PDE10A: variants seen among roughly 807,000 people sequenced by gnomAD.
PDE10A encodes phosphodiesterase 10A.
In PDE10A, 39 loss-of-function variants were observed where a neutral mutation model predicts 97.7. That is an observed-to-expected ratio of 0.40 (90% CI 0.31 to 0.52). PDE10A has a LOEUF of 0.52. Among genes scored for constraint, PDE10A ranks in the 20% least tolerant of loss-of-function variants. The pLI is 0.56. For missense variants in PDE10A, 731 were observed against 1,047.8 expected (o/e 0.70, Z 4.17); for synonymous variants, 371 against 376.8 (o/e 0.98, Z 0.18).
intron 1 of PDE10A, among the ~76,000 whole-genome samples, chr6:165,902,748 G>A (rs111353259): frequency 1.3e-5 from 2 of 152,244 alleles, no homozygotes; most frequent in African/African-American, 4.8e-5. Flanking sequence ...TATCAGCATT[G>A]TTTCTGGGCC....
intron 1 of PDE10A, among the ~76,000 whole-genome samples, chr6:165,759,477 G>A (rs950638821): frequency 1.2e-4 from 18 of 152,118 alleles, no homozygotes; most frequent in African/African-American, 4.3e-4. Context: ...GATTTGCTTT[G>A]CTTTTCTCTG....
chr6:165,617,366 T>G (rs560227121), intron 1 of PDE10A, among the ~76,000 whole-genome samples: 51 of 152,162 alleles, frequency 3.4e-4, no homozygotes, highest in African/African-American at 1.1e-3. Context: ...AAAAATTGAG[T>G]TGGAGTCTCA....
At chr6:165,430,453 C>A (rs1789470242) in intron 8 of PDE10A, 108 bp from the exon 9 acceptor site, 1 of 641,078 alleles carries the variant, frequency 1.6e-6, no homozygotes, top group Admixed American at 2.9e-5. Flanking sequence ...CTAACACAAT[C>A]ACTTGGGTTA....
rs1300944497 is a variant in PDE10A at position 165,662,386 on chromosome 6, G to A, written c.426C>T (p.Leu142=). 1.3e-5 allele frequency: 2 copies of A among 157,298 alleles called. No individual in the cohort carries two copies. The highest frequency in any genetic ancestry group is 2.7e-5 in the Non-Finnish European group (2 of 73,780). The allele number at this position is 157,298 out of a possible 1,614,324, so 9.7% of individuals were successfully genotyped here. Residue 142 remains leucine, a synonymous_variant, in exon 1 of 22, where the codon CTC becomes CTT. Transcript: ENST00000539869. ...CCGCCGCTGCGCCCTCCCTTCCTGG[G>A]AGACGCACGGGGAGGTGAAAGGCAG... The part of the protein sequence containing the change: ...SSSAFHLPVR[L]PGREGAAAAA...
At chr6:165,538,625 G>A (rs1041641597) in intron 2 of PDE10A, among the ~76,000 whole-genome samples, 6 of 151,996 alleles carry the variant, frequency 3.9e-5, no homozygotes, top group East Asian at 1.9e-4. Context: ...TAATACCACC[G>A]ACACTGTCAA....
intron 1 of PDE10A, among the ~76,000 whole-genome samples, chr6:165,754,558 G>T (rs1583041010): frequency 6.6e-6 from 1 of 151,908 alleles, no homozygotes; most frequent in Admixed American, 6.6e-5. Context: ...GCAACCAAAA[G>T]TTTCTCTCTA....
At position 165,426,973 on chromosome 6, in the gene PDE10A, G is replaced by A. The variant is rs1554260557; in HGVS notation, c.1653+1685C>T. ...AAAAAGTCAGATAATAGTAAGTGTTGGTGAGGATGTGGAGAAATCAGAACC... is the reference window on the plus strand; with the variant it reads ...AAAAAGTCAGATAATAGTAAGTGTTAGTGAGGATGTGGAGAAATCAGAACC... On this transcript the variant is annotated intron_variant, in intron 10 of 21. Transcript: ENST00000539869. Among the ~76,000 whole-genome samples the A allele has an allele frequency of 4.6e-5, 7 of 152,204 alleles. No individual in the cohort carries two copies. The South Asian group carries it at 1.2e-3, about 27-fold the overall frequency.
chr6:165,508,612 A>C (rs1184296655), intron 2 of PDE10A, among the ~76,000 whole-genome samples: 1 of 151,924 alleles, frequency 6.6e-6, no homozygotes, highest in Admixed American at 6.6e-5. Flanking sequence ...CTGCCAAGCT[A>C]TTCTCCACAC....
rs956674954 is a variant in PDE10A, at chr6:165,655,763, A to G, written c.865+6184T>C. Among the ~76,000 whole-genome samples the G allele has an allele frequency of 9.2e-5, 14 of 152,146 alleles. No homozygotes were observed. Among genetic ancestry groups the G allele is most frequent in the Admixed American group, 5.9e-4 (9 of 15,280 alleles). On this transcript the variant is annotated intron_variant, in intron 1 of 21. Transcript: ENST00000539869. The surrounding 1 kb of genome is among the most constrained non-coding windows in gnomAD (Gnocchi z 4.5). ...CCCCAAAGCCTCTGCTTTCATGCGG[A>G]GTAAACTGCAGTTTTTTCCTCTGAC...
chr6:165,985,245 G>A (rs1785156286), intron 1 of PDE10A, among the ~76,000 whole-genome samples: 1 of 152,180 alleles, frequency 6.6e-6, no homozygotes, highest in Non-Finnish European at 1.5e-5. Context: ...TTTCCTTTGC[G>A]TTATAACTGC....
intron 1 of PDE10A, among the ~76,000 whole-genome samples, chr6:165,936,730 C>T (rs182261169): frequency 8.5e-5 from 13 of 152,284 alleles, no homozygotes; most frequent in African/African-American, 2.9e-4. Flanking sequence ...CAAGATTTGA[C>T]CATGTTGGCA....
At chr6:165,928,115 C>G (rs1783002599) in intron 1 of PDE10A, among the ~76,000 whole-genome samples, 1 of 151,544 alleles carries the variant, frequency 6.6e-6, no homozygotes, top group South Asian at 2.1e-4. Flanking sequence ...TATATAAACA[C>G]TATGTATACA....
chr6:165,702,672 G>A (rs2128444050), intron 1 of PDE10A, among the ~76,000 whole-genome samples: 1 of 152,306 alleles, frequency 6.6e-6, no homozygotes, highest in South Asian at 2.1e-4. Context: ...AGAGGAGGGA[G>A]GAGCAGAAAA....
At chr6:165,541,654 C>T (rs1260424891) in intron 2 of PDE10A, among the ~76,000 whole-genome samples, 1 of 152,160 alleles carries the variant, frequency 6.6e-6, no homozygotes, top group Non-Finnish European at 1.5e-5. Flanking sequence ...CAAAGCTCAG[C>T]CACACTTTTG....
chr6:165,928,359 T>A (rs537806991), intron 1 of PDE10A, among the ~76,000 whole-genome samples: 1 of 152,288 alleles, frequency 6.6e-6, no homozygotes, highest in South Asian at 2.1e-4. Context: ...GAAACCCACA[T>A]GAGGCCGAGG....
At chr6:165,630,295 C>T (rs1314052731) in intron 1 of PDE10A, among the ~76,000 whole-genome samples, 3 of 152,140 alleles carry the variant, frequency 2.0e-5, no homozygotes, top group East Asian at 1.9e-4. Flanking sequence ...TTGAAGTAAG[C>T]CAAGATTGCA....
chr6:165,960,893 G>T (rs934228665), intron 1 of PDE10A, among the ~76,000 whole-genome samples: 1 of 152,150 alleles, frequency 6.6e-6, no homozygotes, highest in East Asian at 1.9e-4. Flanking sequence ...CTCTGCGCTG[G>T]CCCCCAGGAG....
At chr6:165,582,525 G>A (rs1395838210) in intron 1 of PDE10A, among the ~76,000 whole-genome samples, 1 of 151,018 alleles carries the variant, frequency 6.6e-6, no homozygotes, top group African/African-American at 2.4e-5. Flanking sequence ...ATGTTTAAAT[G>A]CACAATGAAA....
chr6:165,625,310 T>C (rs1477962911), intron 1 of PDE10A, among the ~76,000 whole-genome samples: 2 of 152,160 alleles, frequency 1.3e-5, no homozygotes, highest in Non-Finnish European at 2.9e-5. Flanking sequence ...GGTCCAGGAA[T>C]GGGCTGCAGG....
Sources: gnomAD v4.1 joint callset for allele counts (sites outside exome capture counted in the v4.1 genomes callset) on GRCh38, gnomAD v4.1.1 for gene constraint, Gnocchi (gnomAD v3.1) non-coding constraint, MANE v1.5 for transcripts, NCBI Gene and HGNC (gene_info 2026-07-23, HGNC 2026-07-21) for gene names.